TGM2: variants seen among roughly 807,000 people sequenced by gnomAD.
The protein encoded by TGM2 is protein-glutamine gamma-glutamyltransferase 2.
In TGM2, 53 loss-of-function variants were observed where a neutral mutation model predicts 75.6. That is an observed-to-expected ratio of 0.70 (90% CI 0.56 to 0.88). The LOEUF is 0.88. Among genes scored for constraint, TGM2 ranks in the 40% least tolerant of loss-of-function variants. The pLI, the probability that TGM2 is intolerant of heterozygous loss-of-function variation, is 0.00. For missense variants in TGM2, 842 were observed against 928.5 expected, an observed-to-expected ratio of 0.91 and a Z score of 1.21; for synonymous variants, 374 against 381.1, an observed-to-expected ratio of 0.98 and a Z score of 0.22.
intron 6 of TGM2, 23 bp from the exon 7 acceptor site, chr20:38,142,222 G>A (rs768333380): frequency 8.9e-5 from 143 of 1,613,850 alleles, no homozygotes; most frequent in Non-Finnish European, 1.2e-4. Context: ...AGTGGAAAGC[G>A]GGGTGAGGTC....
In TGM2 at chr20:38,130,343, T is replaced by C; in HGVS notation, c.1940A>G (p.Glu647Gly). 1 of 1,600,202 alleles carries C rather than the reference T, an allele frequency of 6.2e-7. No individual in the cohort carries two copies. The highest frequency in any genetic ancestry group is 1.3e-5 in the African/African-American group (1 of 74,856). ...CAGCAGGTCCATTCTCACCTTAACTTCCTCCCCTGCCTCCACGGGGTCTGG... is the reference window on the plus strand; with the variant it reads ...CAGCAGGTCCATTCTCACCTTAACTCCCTCCCCTGCCTCCACGGGGTCTGG... ...EIPDPVEAGEEVKVRMDLLPL... is the reference protein window; with the variant it reads ...EIPDPVEAGEGVKVRMDLLPL... Residue 647 changes from glutamate (E) to glycine (G), a missense_variant, in exon 13 of 13, where the codon GAA becomes GGA. Transcript: ENST00000361475.
At chr20:38,131,784 G>T (rs1264440724) in intron 11 of TGM2, among the ~76,000 whole-genome samples, 1 of 152,098 alleles carries the variant, frequency 6.6e-6, no homozygotes, top group African/African-American at 2.4e-5. Context: ...TAATGATGAT[G>T]ATGGCGATGA....
chr20:38,148,726 C>A (rs1259767836), intron 4 of TGM2, among the ~76,000 whole-genome samples: 1 of 152,242 alleles, frequency 6.6e-6, no homozygotes, highest in Non-Finnish European at 1.5e-5. Flanking sequence ...TCTGCCCAGG[C>A]TCACTGCCCC....
upstream of TGM2, chr20:38,165,343 G>A: frequency 3.2e-6 from 4 of 1,245,114 alleles, no homozygotes; most frequent in Admixed American, 3.8e-5. Flanking sequence ...GCGGGAAGGC[G>A]GCGACCTGGG....
chr20:38,130,569 G>A (rs2074815310), intron 12 of TGM2, among the ~76,000 whole-genome samples, 200 bp from the exon 13 acceptor site: 2 of 152,266 alleles, frequency 1.3e-5, no homozygotes, highest in African/African-American at 4.8e-5. Flanking sequence ...GTGTCCGTGT[G>A]CATAAAAGCA....
intron 3 of TGM2, among the ~76,000 whole-genome samples, chr20:38,152,910 C>T (rs1458789061): frequency 1.3e-5 from 2 of 152,250 alleles, no homozygotes; most frequent in Non-Finnish European, 2.9e-5. Context: ...CTTCCCATTC[C>T]CTGAACTCTG....
intron 2 of TGM2, among the ~76,000 whole-genome samples, chr20:38,156,831 A>G (rs1187116377): frequency 3.9e-5 from 6 of 152,148 alleles, no homozygotes; most frequent in Non-Finnish European, 8.8e-5. Context: ...CGGTCTCCCA[A>G]GGATATCCTA....
chr20:38,137,981 A>T, intron 10 of TGM2, 132 bp downstream of exon 10: 5 of 1,467,836 alleles, frequency 3.4e-6, no homozygotes, highest in Middle Eastern at 2.0e-4. Flanking sequence ...AGTGCTTAGG[A>T]CAGGGCCTGC....
Position 38,138,143 on chromosome 20 carries a change from G to A in TGM2, c.1585C>T (p.Leu529=). The A allele has an allele frequency of 6.2e-7, 1 of 1,601,114 alleles. No individual in the cohort carries two copies. Among genetic ancestry groups the A allele is most frequent in the Non-Finnish European group, 8.5e-7 (1 of 1,173,896 alleles). ...AAAGGCTCCAGGTTGAGGTTGAGCA[G>A]GTACTTGGTGCCACACTCGGGCCCC... ...ILGPECGTKY[L]LNLNLEPFSE... is the part of the protein sequence containing the mutation. The change falls in exon 10 of 13, where the codon CTG becomes TTG. Residue 529 remains leucine, a synonymous_variant. Coordinates refer to ENST00000361475, the MANE Select transcript of TGM2 (RefSeq NM_004613.4).
At chr20:38,132,259 T>C in intron 11 of TGM2, 81 bp downstream of exon 11, 2 of 1,512,192 alleles carry the variant, frequency 1.3e-6, no homozygotes, top group East Asian at 2.3e-5. Flanking sequence ...GATGCAGGTG[T>C]GTGGGGTGGG....
intron 6 of TGM2, among the ~76,000 whole-genome samples, chr20:38,143,255 G>A (rs917268981): frequency 3.9e-5 from 6 of 152,166 alleles, no homozygotes; most frequent in Non-Finnish European, 7.3e-5. Context: ...CACAGAGGTC[G>A]GGAGACCCAG....
chr20:38,147,896 G>T, intron 5 of TGM2, 65 bp downstream of exon 5: 1 of 1,567,236 alleles, frequency 6.4e-7, no homozygotes, highest in Non-Finnish European at 8.6e-7. Flanking sequence ...TCTCCACTGC[G>T]AGGGAGAGGC....
chr20:38,156,132 G>A, intron 2 of TGM2, 43 bp from the exon 3 acceptor site: 1 of 1,597,290 alleles, frequency 6.3e-7, no homozygotes, highest in Non-Finnish European at 8.5e-7. Flanking sequence ...GGGTAGCAGG[G>A]CTGGCAGGGC....
At chr20:38,136,479 G>A (rs886217253) in intron 10 of TGM2, among the ~76,000 whole-genome samples, 4 of 152,180 alleles carry the variant, frequency 2.6e-5, no homozygotes, top group African/African-American at 9.7e-5. Flanking sequence ...AGGCATGAGT[G>A]CCTACTGTGT....
At chr20:38,141,474 A>T in intron 7 of TGM2, 89 bp from the exon 8 acceptor site, 1 of 1,007,950 alleles carries the variant, frequency 9.9e-7, no homozygotes. Flanking sequence ...TCATGTCCCC[A>T]GATGCAAGCT....
chr20:38,131,262 A>C, intron 11 of TGM2, 33 bp from the exon 12 acceptor site: 4 of 1,612,848 alleles, frequency 2.5e-6, no homozygotes, highest in Non-Finnish European at 3.4e-6. Flanking sequence ...TGTCAAGGGC[A>C]GGTGGGATCC....
intron 10 of TGM2, among the ~76,000 whole-genome samples, chr20:38,137,462 A>G (rs45516399): frequency 4.7e-4 from 72 of 152,336 alleles, no homozygotes; most frequent in African/African-American, 1.6e-3. Flanking sequence ...CAAAAAAAAT[A>G]AAAAAACAAG....
At chr20:38,141,041 C>A (rs988203100) in intron 8 of TGM2, among the ~76,000 whole-genome samples, 1 of 151,680 alleles carries the variant, frequency 6.6e-6, no homozygotes, top group Non-Finnish European at 1.5e-5. Context: ...GACAAAGATG[C>A]TATTTGATTT....
intron 1 of TGM2, among the ~76,000 whole-genome samples, chr20:38,162,036 C>A (rs2075260580): frequency 6.6e-6 from 1 of 152,166 alleles, no homozygotes; most frequent in African/African-American, 2.4e-5. Flanking sequence ...GCCCAGGCTG[C>A]TCTCGAACTC....
Sources: allele counts gnomAD v4.1 joint callset (sites outside exome capture counted in the v4.1 genomes callset), GRCh38; gene constraint gnomAD v4.1.1; transcripts MANE v1.5; gene names NCBI Gene and HGNC (gene_info 2026-07-23, HGNC 2026-07-21).